The following C12orf42 variants were observed in gnomAD, a reference collection of about 807,000 sequenced individuals.
C12orf42 encodes the protein chromosome 12 open reading frame 42.
Under a neutral mutation model 21.6 loss-of-function variants are expected in C12orf42, and 25 were observed. The observed-to-expected ratio is 1.16, with a 90% CI of 0.84 to 1.62. The LOEUF is 1.62. Ranked by LOEUF, C12orf42 falls within the 40% of genes most tolerant of loss-of-function variation. C12orf42 has a pLI of 0.00. For missense variants in C12orf42, 483 were observed against 459.3 expected, an observed-to-expected ratio of 1.05 and a Z score of -0.47; for synonymous variants, 174 against 175.0, an observed-to-expected ratio of 0.99 and a Z score of 0.05.
At chr12:103,387,722 G>C (rs528064511) in intron 3 of C12orf42, among the ~76,000 whole-genome samples, 1 of 152,138 alleles carries the variant, frequency 6.6e-6, no homozygotes, top group South Asian at 2.1e-4. Flanking sequence ...ACTATCTTTC[G>C]TCTTGCTCAC....
the C12orf42 span, among the ~76,000 whole-genome samples, chr12:103,180,746 A>T: frequency 2.1e-5 from 3 of 142,400 alleles, no homozygotes; most frequent in African/African-American, 8.0e-5. Context: ...CTCCTGCCTC[A>T]GTCTCCCGAG....
intron 4 of C12orf42, among the ~76,000 whole-genome samples, chr12:103,321,180 C>T (rs1283056695): frequency 1.3e-5 from 2 of 151,694 alleles, no homozygotes; most frequent in Admixed American, 1.3e-4. Flanking sequence ...AAAAAACAAA[C>T]AACCCCATCA....
chr12:103,162,829 A>G, the C12orf42 span: 1 of 152,172 alleles, frequency 6.6e-6, no homozygotes, highest in African/African-American at 2.4e-5. Flanking sequence ...CAACCCAGAG[A>G]AAGTAATTGT....
upstream of C12orf42, among the ~76,000 whole-genome samples, chr12:103,499,718 C>G (rs568623239): frequency 2.3e-4 from 35 of 152,296 alleles, no homozygotes; most frequent in East Asian, 5.2e-3. Flanking sequence ...CAGGGATATG[C>G]CCCCTGCCCA....
At chr12:103,108,142 G>T in the C12orf42 span, among the ~76,000 whole-genome samples, 1 of 150,830 alleles carries the variant, frequency 6.6e-6, no homozygotes, top group East Asian at 1.9e-4. Flanking sequence ...TTTTTAAAAA[G>T]AAAGGAAAAA....
chr12:103,148,072 T>C, the C12orf42 span, among the ~76,000 whole-genome samples: 1 of 152,148 alleles, frequency 6.6e-6, no homozygotes, highest in South Asian at 2.1e-4. Context: ...TCTTTTTCTA[T>C]ATATTATTGA....
At chr12:103,203,460 A>G in the C12orf42 span, among the ~76,000 whole-genome samples, 2 of 152,240 alleles carry the variant, frequency 1.3e-5, no homozygotes, top group African/African-American at 2.4e-5. Flanking sequence ...TTAACCTATC[A>G]AAACTTGGAG....
chr12:103,181,226 C>A, the C12orf42 span, among the ~76,000 whole-genome samples: 3 of 151,628 alleles, frequency 2.0e-5, no homozygotes, highest in Non-Finnish European at 1.5e-5. Flanking sequence ...TGTGCTACTG[C>A]ACACCAGCCT....
intron 2 of C12orf42, among the ~76,000 whole-genome samples, chr12:103,404,468 A>C (rs1566251398): frequency 6.6e-6 from 1 of 152,232 alleles, no homozygotes; most frequent in East Asian, 1.9e-4. Flanking sequence ...GTTTATGTTG[A>C]ACAGTGGATG....
chr12:103,093,717 C>G, the C12orf42 span, among the ~76,000 whole-genome samples: 2 of 152,330 alleles, frequency 1.3e-5, no homozygotes, highest in African/African-American at 4.8e-5. Context: ...AGCCAGTGTT[C>G]ACTGCTCACA....
chr12:103,108,745 T>C, the C12orf42 span, among the ~76,000 whole-genome samples: 1 of 152,116 alleles, frequency 6.6e-6, no homozygotes, highest in Non-Finnish European at 1.5e-5. Flanking sequence ...TCTTAGCTAG[T>C]TGCAATAAAA....
At chr12:103,391,928 T>A (rs1166068371) in intron 3 of C12orf42, among the ~76,000 whole-genome samples, 1 of 152,170 alleles carries the variant, frequency 6.6e-6, no homozygotes, top group Non-Finnish European at 1.5e-5. Context: ...ATATTTTGCC[T>A]TATGTTTTCT....
chr12:103,140,340 C>G, the C12orf42 span, among the ~76,000 whole-genome samples: 10 of 152,154 alleles, frequency 6.6e-5, no homozygotes, highest in South Asian at 2.1e-4. Context: ...ATTCAGACCC[C>G]GGGAAGGGAA....
chr12:103,220,866 A>G, the C12orf42 span, among the ~76,000 whole-genome samples: 1 of 152,232 alleles, frequency 6.6e-6, no homozygotes, highest in African/African-American at 2.4e-5. Context: ...CTCAAGGAAG[A>G]TTCCCTGTCA....
the C12orf42 span, among the ~76,000 whole-genome samples, chr12:103,192,732 C>G: frequency 2.0e-5 from 3 of 152,002 alleles, no homozygotes; most frequent in Non-Finnish European, 4.4e-5. Context: ...ATCAGAGCAC[C>G]TAAGTACGGA....
chr12:103,426,682 G>A (rs1305237346), intron 2 of C12orf42, among the ~76,000 whole-genome samples: 1 of 152,156 alleles, frequency 6.6e-6, no homozygotes, highest in Non-Finnish European at 1.5e-5. Flanking sequence ...AGGTTGAAAT[G>A]AAGGAAAAAA....
chr12:103,203,368 T>A, the C12orf42 span, among the ~76,000 whole-genome samples: 42,444 of 152,076 alleles, frequency 0.28, 6,986 homozygotes, highest in Non-Finnish European at 0.37. Flanking sequence ...ACCTATGCAG[T>A]GAAAAAGAAT....
the C12orf42 span, among the ~76,000 whole-genome samples, chr12:103,540,463 C>G: frequency 6.6e-6 from 1 of 152,092 alleles, no homozygotes; most frequent in Admixed American, 6.6e-5. Context: ...TGATTTTGTG[C>G]ATTTTGAGGG....
At chr12:103,278,782 C>T (rs184322959) in intron 4 of C12orf42, among the ~76,000 whole-genome samples, 3 of 152,344 alleles carry the variant, frequency 2.0e-5, no homozygotes, top group East Asian at 1.9e-4. Flanking sequence ...AATCTAATAG[C>T]GATTCCTCCA....
Sources: allele counts gnomAD v4.1 joint callset (sites outside exome capture counted in the v4.1 genomes callset), GRCh38; gene constraint gnomAD v4.1.1; transcripts MANE v1.5; gene names NCBI Gene and HGNC (gene_info 2026-07-23, HGNC 2026-07-21).